The following PHF14 variants were observed in gnomAD, a reference collection of about 807,000 sequenced individuals.
The protein encoded by PHF14 is PHD finger protein 14.
A neutral mutation model predicts 117.9 loss-of-function variants in PHF14; 55 were observed. The ratio of observed to expected loss-of-function variants is 0.47; its 90% CI spans 0.38 to 0.58. PHF14 has a LOEUF of 0.58. Among genes scored for constraint, PHF14 ranks in the 20% least tolerant of loss-of-function variants. The probability of loss-of-function intolerance (pLI) is 0.00; values close to 1 mark genes in which losing one functional copy is unlikely to be tolerated. For synonymous variants in PHF14, 409 were observed against 368.6 expected, an observed-to-expected ratio of 1.11 and a Z score of -1.26; for missense variants, 978 against 1,122.2, an observed-to-expected ratio of 0.87 and a Z score of 1.84.
intron 14 of PHF14, among the ~76,000 whole-genome samples, chr7:11,055,109 T>G (rs1323826716): frequency 1.3e-5 from 2 of 152,164 alleles, no homozygotes; most frequent in African/African-American, 2.4e-5. Context: ...CAGCCTGAGA[T>G]AGTTCTGTTT....
intron 16 of PHF14, among the ~76,000 whole-genome samples, chr7:11,099,748 A>G (rs1787017190): frequency 6.6e-6 from 1 of 152,106 alleles, no homozygotes; most frequent in African/African-American, 2.4e-5. Flanking sequence ...GAAGACATTA[A>G]CTTCATTTTT....
chr7:10,974,824 T>G lies in PHF14; in HGVS notation c.2-11T>G. On this transcript the variant is annotated splice_polypyrimidine_tract_variant and intron_variant, in intron 1 of 17. Transcript: ENST00000634607. ...ATTATGAATGACAATGTAATTTTTT[T>G]CTCTTCACAGTGGATCGCAGCTCCA... The G allele has an allele frequency of 7.0e-7, 1 of 1,418,698 alleles. No homozygotes were observed. The highest frequency in any genetic ancestry group is 9.7e-7 in the Non-Finnish European group (1 of 1,027,634). 87.9% of individuals were successfully genotyped at this position (1,418,698 alleles called of 1,614,324 possible).
At chr7:11,071,383 TA>T in intron 16 of PHF14, 1 of 436,154 alleles carries the variant, frequency 2.3e-6, no homozygotes, top group Non-Finnish European at 4.6e-6. Context: ...TTTTCTTGCT[TA>T]AATATCTTAG....
Position 10,982,704 on chromosome 7 carries a change from G to T in PHF14, c.445G>T (p.Ala149Ser), listed in dbSNP as rs745688502. ...TVSENVAASA[A>S]ATTPATSPPA... ...ATCTGAGAATGTGGCTGCTTCTGCT[G>T]CTGCCACCACACCAGCCACAAGTCC... Residue 149 changes from alanine (A) to serine (S), a missense_variant, in exon 3 of 18, where the codon GCT becomes TCT. Ala to Ser is a moderately conservative substitution (Grantham distance 99, BLOSUM62 1). Transcript: ENST00000634607. 4 of 1,609,840 alleles carry T rather than the reference G, an allele frequency of 2.5e-6. No homozygotes were observed. In the African/African-American group the frequency reaches 5.3e-5, roughly 22 times the overall value.
At chr7:11,167,089 ATAAAG>A (rs1252971486) in intron 17 of PHF14, among the ~76,000 whole-genome samples, 4 of 152,214 alleles carry the variant, frequency 2.6e-5, no homozygotes, top group African/African-American at 9.6e-5. Context: ...AAATATGAAA[ATAAAG>A]TATATAAGTA....
At position 11,036,759 on chromosome 7, in the gene PHF14, G is replaced by A. The variant is rs1030180387; in HGVS notation, c.1873+71G>A. On this transcript the variant is annotated intron_variant, in intron 9 of 17. Coordinates refer to ENST00000634607, the MANE Select transcript of PHF14 (RefSeq NM_001007157.2). Reference sequence around the variant, plus strand: ...TGTTAATGAAAATGTTTGATATACTGTTAATTTTTAGAAATTTATTAGCCA... The same window carrying A: ...TGTTAATGAAAATGTTTGATATACTATTAATTTTTAGAAATTTATTAGCCA... 7 of 1,373,028 alleles carry A rather than the reference G, an allele frequency of 5.1e-6. No individual in the cohort carries two copies. In the African/African-American group the frequency reaches 8.7e-5, roughly 17 times the overall value. The allele number at this position is 1,373,028 out of a possible 1,614,324, so 85.1% of individuals were successfully genotyped here.
intron 17 of PHF14, among the ~76,000 whole-genome samples, chr7:11,129,447 T>G (rs1261587120): frequency 6.6e-6 from 1 of 151,912 alleles, no homozygotes; most frequent in Non-Finnish European, 1.5e-5. Flanking sequence ...AGTTTTAAAT[T>G]AAAAGGAAAG....
intron 16 of PHF14, among the ~76,000 whole-genome samples, chr7:11,095,783 C>A (rs1223841058): frequency 6.6e-6 from 1 of 152,122 alleles, no homozygotes; most frequent in Non-Finnish European, 1.5e-5. Context: ...ATGTAAGTAT[C>A]AAGCATCATC....
intron 17 of PHF14, among the ~76,000 whole-genome samples, chr7:11,133,172 A>G (rs1788131697): frequency 6.6e-6 from 1 of 151,952 alleles, no homozygotes; most frequent in Admixed American, 6.6e-5. Context: ...TCGAACTCTC[A>G]GCAAGTTATT....
chr7:11,165,779 C>T (rs758448826), intron 17 of PHF14, among the ~76,000 whole-genome samples: 4 of 152,208 alleles, frequency 2.6e-5, no homozygotes, highest in Non-Finnish European at 5.9e-5. Context: ...AACCGAGGGT[C>T]TCCTCTATCA....
chr7:11,025,444 G>A (rs1275066766), intron 6 of PHF14, among the ~76,000 whole-genome samples: 1 of 152,166 alleles, frequency 6.6e-6, no homozygotes, highest in Non-Finnish European at 1.5e-5. Flanking sequence ...GTGCCACAGA[G>A]AAATCTTTCA....
At chr7:11,151,350 G>T (rs1399203160) in intron 17 of PHF14, among the ~76,000 whole-genome samples, 1 of 152,098 alleles carries the variant, frequency 6.6e-6, no homozygotes, top group Non-Finnish European at 1.5e-5. Flanking sequence ...GAGGCCAGGA[G>T]TTTGAGACCA....
intron 16 of PHF14, chr7:11,105,145 T>C (rs1307675339): frequency 1.0e-6 from 1 of 975,570 alleles, no homozygotes; most frequent in East Asian, 1.1e-4. Flanking sequence ...TAAAAAGACT[T>C]GAAATTAGGG....
At chr7:11,012,095 C>T (rs1430476729) in intron 4 of PHF14, among the ~76,000 whole-genome samples, 5 of 152,326 alleles carry the variant, frequency 3.3e-5, no homozygotes, top group African/African-American at 1.2e-4. Context: ...CTCATCAATG[C>T]TGACTGAGTT....
At position 11,169,525 on chromosome 7, in the gene PHF14, CT is replaced by C; in HGVS notation, c.*37del. The stretch of plus-strand genomic sequence containing the variant: ...TGTAGTGTTTTTGAAAAGTTTGCAG[CT>C]TATGTAATAGCAGATAAAATTTCTA... On this transcript the variant is annotated 3_prime_UTR_variant, in exon 18 of 18. Transcript: ENST00000634607. 1.1e-6 allele frequency: 1 copy of C among 905,458 alleles called. No homozygotes were observed. Among genetic ancestry groups the C allele is most frequent in the East Asian group, 2.8e-5 (1 of 35,574 alleles). 56.1% of individuals were successfully genotyped at this position (905,458 alleles called of 1,614,324 possible).
At chr7:11,004,400 T>TA (rs1783006835) in intron 4 of PHF14, among the ~76,000 whole-genome samples, 1 of 150,888 alleles carries the variant, frequency 6.6e-6, no homozygotes, top group African/African-American at 2.4e-5. Context: ...CAAATATATA[T>TA]TTTTAATTTA....
At chr7:11,112,875 A>G (rs1172512589) in intron 17 of PHF14, among the ~76,000 whole-genome samples, 1 of 152,144 alleles carries the variant, frequency 6.6e-6, no homozygotes, top group Non-Finnish European at 1.5e-5. Flanking sequence ...TGTAAACTAT[A>G]TAGTAGCAAG....
At chr7:11,085,540 A>G (rs1005186799) in intron 16 of PHF14, among the ~76,000 whole-genome samples, 1 of 152,198 alleles carries the variant, frequency 6.6e-6, no homozygotes, top group Admixed American at 6.5e-5. Context: ...TGCTAAATTT[A>G]ATCGTTTTTT....
At chr7:11,145,819 AT>A (rs1199398450) in intron 17 of PHF14, among the ~76,000 whole-genome samples, 6 of 152,076 alleles carry the variant, frequency 3.9e-5, no homozygotes, top group African/African-American at 1.2e-4. Context: ...AAACCTTTTA[AT>A]TTTTTGCTCT....
Sources: gnomAD v4.1 joint callset for allele counts (sites outside exome capture counted in the v4.1 genomes callset) on GRCh38, gnomAD v4.1.1 for gene constraint, MANE v1.5 for transcripts, NCBI Gene and HGNC (gene_info 2026-07-23, HGNC 2026-07-21) for gene names.